Variants in RAB4A observed in about 807,000 individuals in gnomAD.
RAB4A encodes ras-related protein Rab-4A.
In RAB4A, 20 loss-of-function variants were observed where a neutral mutation model predicts 34.5. The observed-to-expected ratio is 0.58, with a 90% CI of 0.41 to 0.84. The LOEUF (loss-of-function observed/expected upper bound fraction) is 0.84. Among genes scored for constraint, RAB4A ranks in the 40% least tolerant of loss-of-function variants. The probability of loss-of-function intolerance (pLI) is 0.00; values close to 1 mark genes in which losing one functional copy is unlikely to be tolerated. For missense variants in RAB4A, 228 were observed against 274.5 expected (o/e 0.83, Z 1.20); for synonymous variants, 102 against 100.0 (o/e 1.02, Z -0.12).
chr1:229,273,537 C>G (rs1029768776), intron 1 of RAB4A, among the ~76,000 whole-genome samples: 1 of 152,152 alleles, frequency 6.6e-6, no homozygotes, highest in Non-Finnish European at 1.5e-5. Context: ...CTCAGGAGTT[C>G]AATACCAGCC....
intron 3 of RAB4A, among the ~76,000 whole-genome samples, chr1:229,292,524 G>A (rs1163302703): frequency 6.6e-6 from 1 of 152,122 alleles, no homozygotes; most frequent in Admixed American, 6.5e-5. Flanking sequence ...GTGGGGTGAA[G>A]AGCAAACAGT....
intron 4 of RAB4A, 108 bp from the exon 5 acceptor site, chr1:229,297,374 G>A: frequency 8.9e-7 from 1 of 1,119,786 alleles, no homozygotes; most frequent in Non-Finnish European, 1.2e-6. Flanking sequence ...AGGTGTTGGT[G>A]CCATTACCCT....
chr1:229,289,786 A>C (rs1489338524), intron 3 of RAB4A, among the ~76,000 whole-genome samples: 1 of 152,240 alleles, frequency 6.6e-6, no homozygotes, highest in Admixed American at 6.5e-5. Flanking sequence ...ATTGTACTCC[A>C]GCCTGGGCAA....
At chr1:229,294,156 A>G (rs1657174025) in intron 3 of RAB4A, among the ~76,000 whole-genome samples, 1 of 152,122 alleles carries the variant, frequency 6.6e-6, no homozygotes, top group Non-Finnish European at 1.5e-5. Context: ...GGAGGGTGGG[A>G]CCAAAAAGAG....
intron 1 of RAB4A, among the ~76,000 whole-genome samples, chr1:229,271,620 A>G (rs1018353822): frequency 3.3e-5 from 5 of 152,062 alleles, no homozygotes; most frequent in East Asian, 1.9e-4. Flanking sequence ...CGCCTTTTCA[A>G]GTTTCCTCTT....
At position 229,297,702 on chromosome 1, in the gene RAB4A, A is replaced by C. The variant is rs544227530; in HGVS notation, c.445+66A>C. 2.1e-6 allele frequency: 3 copies of C among 1,395,752 alleles called. No homozygotes were observed. In the East Asian group the frequency reaches 7.2e-5, roughly 33 times the overall value. The allele number at this position is 1,395,752 out of a possible 1,614,324, so 86.5% of individuals were successfully genotyped here. On this transcript the variant is annotated intron_variant, in intron 5 of 7. Coordinates refer to ENST00000366690, the MANE Select transcript of RAB4A (RefSeq NM_004578.4). ...ATTTGAGGATAATAGCATTTCTTTG[A>C]ATTTAAAACATATATTGGAATTTCA...
intron 1 of RAB4A, among the ~76,000 whole-genome samples, chr1:229,283,643 T>C (rs1202160100): frequency 6.6e-6 from 1 of 152,030 alleles, no homozygotes; most frequent in South Asian, 2.1e-4. Flanking sequence ...GGGAACTTCC[T>C]TCCAAATCAT....
At chr1:229,288,875 G>T in intron 3 of RAB4A, 32 bp downstream of exon 3, 3 of 1,270,984 alleles carry the variant, frequency 2.4e-6, no homozygotes, top group Non-Finnish European at 3.4e-6. Context: ...AAAAATATTT[G>T]AAAATTTGAT....
chr1:229,302,022 A>G (rs184641667), intron 6 of RAB4A, among the ~76,000 whole-genome samples: 3 of 151,732 alleles, frequency 2.0e-5, no homozygotes, highest in Non-Finnish European at 2.9e-5. Context: ...GAGCACTTCA[A>G]ATTTCAGATT....
chr1:229,287,003 G>A (rs1656940503), intron 2 of RAB4A, among the ~76,000 whole-genome samples: 2 of 152,176 alleles, frequency 1.3e-5, no homozygotes, highest in Non-Finnish European at 2.9e-5. Context: ...TGACCACACA[G>A]CCCATCTTTT....
intron 1 of RAB4A, among the ~76,000 whole-genome samples, chr1:229,279,422 T>C (rs1656726152): frequency 6.6e-6 from 1 of 152,224 alleles, no homozygotes; most frequent in Admixed American, 6.5e-5. Context: ...GCTGTCCCCA[T>C]CTGCCTTTGT....
chr1:229,289,182 A>G (rs1479086168), intron 3 of RAB4A: 1 of 190,784 alleles, frequency 5.2e-6, no homozygotes, highest in Non-Finnish European at 1.1e-5. Context: ...TCCTTTTTTA[A>G]AGAAGAACTT....
At position 229,305,373 on chromosome 1, in the gene RAB4A, C is replaced by G; in HGVS notation, c.*1580C>G. 1 of 1,265,280 alleles carries G rather than the reference C, an allele frequency of 7.9e-7. No individual in the cohort carries two copies. The allele number at this position is 1,265,280 out of a possible 1,614,324, so 78.4% of individuals were successfully genotyped here. On this transcript the variant is annotated 3_prime_UTR_variant, in exon 8 of 8. Transcript: ENST00000366690. The stretch of plus-strand genomic sequence containing the variant: ...GAGCATGTCTATTCTAACACATCAG[C>G]TTATTCAAAAGCAAGAATTTTAAAA...
Position 229,303,943 on chromosome 1 carries a change from GT to G in RAB4A, c.*151del, listed in dbSNP as rs1439571953. Reference sequence around the variant, plus strand: ...AGAATTTGGGGTGTTCTGCAAGCCAGTCAAAGTGGCACAGCAAATCATATAA... The same window carrying G: ...AGAATTTGGGGTGTTCTGCAAGCCAGCAAAGTGGCACAGCAAATCATATAA... On this transcript the variant is annotated 3_prime_UTR_variant, in exon 8 of 8. Coordinates refer to ENST00000366690, the MANE Select transcript of RAB4A (RefSeq NM_004578.4). 6.6e-6 allele frequency: 1 copy of G among 152,218 alleles called. No individual in the cohort carries two copies. The highest frequency in any genetic ancestry group is 6.5e-5 in the Admixed American group (1 of 15,284). The allele number at this position is 152,218 out of a possible 1,614,324, so 9.4% of individuals were successfully genotyped here.
In RAB4A at chr1:229,302,278, TATATATATATATATATATATATA is replaced by T. The variant is rs1293594395; in HGVS notation, c.542-583_542-561del. ...ATAATTATATATATATATATATATA[TATATATATATATATATATATATA>T]TATATATATTTTTTTTTTTTTTTTA... On this transcript the variant is annotated intron_variant, in intron 6 of 7. Coordinates refer to ENST00000366690, the MANE Select transcript of RAB4A (RefSeq NM_004578.4). 6.6e-3 allele frequency among the ~76,000 whole-genome samples: 152 copies of T among 22,858 alleles called. 5 individuals carry two copies. Among genetic ancestry groups the T allele is most frequent in the African/African-American group, 0.019 (117 of 6,106 alleles). 15.0% of individuals were successfully genotyped at this position (22,858 alleles called of 152,430 possible). A position where few individuals can be genotyped will look rare whatever the true frequency, so the allele number is the denominator to read the frequency against.
rs1656990243 is a variant in RAB4A at position 229,288,860 on chromosome 1, T to G, written c.227+17T>G. 2 of 1,357,856 alleles carry G rather than the reference T, an allele frequency of 1.5e-6. No individual in the cohort carries two copies. The highest frequency in any genetic ancestry group is 1.0e-6 in the Non-Finnish European group (1 of 959,362). 84.1% of individuals were successfully genotyped at this position (1,357,856 alleles called of 1,614,324 possible). A position where few individuals can be genotyped will look rare whatever the true frequency, so the allele number is the denominator to read the frequency against. On this transcript the variant is annotated intron_variant, in intron 3 of 7. Coordinates refer to ENST00000366690, the MANE Select transcript of RAB4A (RefSeq NM_004578.4). Reference sequence around the variant, plus strand: ...ACGATTCAGGTAGCTTTTCTCTAACTTAATAAAAATATTTGAAAATTTGAT... The same window carrying G: ...ACGATTCAGGTAGCTTTTCTCTAACGTAATAAAAATATTTGAAAATTTGAT...
chr1:229,276,380 C>A (rs1291435928), intron 1 of RAB4A, among the ~76,000 whole-genome samples: 1 of 151,426 alleles, frequency 6.6e-6, no homozygotes, highest in Non-Finnish European at 1.5e-5. Flanking sequence ...ACAAAATATT[C>A]TTTCTCATGG....
intron 1 of RAB4A, among the ~76,000 whole-genome samples, chr1:229,284,668 C>T (rs1656877089): frequency 6.6e-6 from 1 of 152,252 alleles, no homozygotes; most frequent in East Asian, 1.9e-4. Context: ...GTGTATTCTG[C>T]AGTTTCACAA....
rs1233872891 is a variant in RAB4A, at chr1:229,271,400, G to C, written c.31+30G>C. On this transcript the variant is annotated intron_variant, in intron 1 of 7. Coordinates refer to ENST00000366690, the MANE Select transcript of RAB4A (RefSeq NM_004578.4). ...GAGGCCCGGGCTGGCGGGGCGCGCGGGTCGGGCCGCGGGGGGCGTCGGTGG... is the reference window on the plus strand; with the variant it reads ...GAGGCCCGGGCTGGCGGGGCGCGCGCGTCGGGCCGCGGGGGGCGTCGGTGG... 13 of 1,214,124 alleles carry C rather than the reference G, an allele frequency of 1.1e-5. 1 individual carries two copies. The East Asian group carries it at 4.1e-4, about 38-fold the overall frequency. The allele number at this position is 1,214,124 out of a possible 1,614,324, so 75.2% of individuals were successfully genotyped here.
Sources: allele counts gnomAD v4.1 joint callset (sites outside exome capture counted in the v4.1 genomes callset), GRCh38; gene constraint gnomAD v4.1.1; transcripts MANE v1.5; gene names NCBI Gene and HGNC (gene_info 2026-07-23, HGNC 2026-07-21).